RABGAP1: variants seen among roughly 807,000 people sequenced by gnomAD.
The protein encoded by RABGAP1 is RAB GTPase activating protein 1.
In RABGAP1, 23 loss-of-function variants were observed where a neutral mutation model predicts 137.6. The ratio of observed to expected loss-of-function variants is 0.17; its 90% CI spans 0.12 to 0.24. The LOEUF (loss-of-function observed/expected upper bound fraction) is 0.24, where lower values mean the gene tolerates loss of function less well. Ranked by LOEUF, RABGAP1 falls within the 10% of genes least tolerant of loss-of-function variation. The pLI, the probability that RABGAP1 is intolerant of heterozygous loss-of-function variation, is 1.00. For synonymous variants in RABGAP1, 451 were observed against 450.7 expected (o/e 1.00, Z -0.01); for missense variants, 906 against 1,275.8 (o/e 0.71, Z 4.42).
chr9:123,097,478 A>G (rs1286079943), intron 21 of RABGAP1, among the ~76,000 whole-genome samples: 1 of 152,224 alleles, frequency 6.6e-6, no homozygotes, highest in Non-Finnish European at 1.5e-5. Flanking sequence ...CAAGTGGCAC[A>G]TGGTCAGTGA....
intron 13 of RABGAP1, among the ~76,000 whole-genome samples, chr9:123,031,146 A>G (rs2032275408): frequency 6.6e-6 from 1 of 152,110 alleles, no homozygotes; most frequent in Non-Finnish European, 1.5e-5. Context: ...TTATCAGCGT[A>G]ACTGTCTTGT....
At chr9:122,949,401 C>T (rs1455066515) in intron 1 of RABGAP1, among the ~76,000 whole-genome samples, 1 of 152,042 alleles carries the variant, frequency 6.6e-6, no homozygotes, top group East Asian at 1.9e-4. Flanking sequence ...TAATTCCCAG[C>T]TACTTGGGAG....
intron 2 of RABGAP1, among the ~76,000 whole-genome samples, chr9:122,969,384 T>G (rs915999726): frequency 1.3e-5 from 2 of 152,240 alleles, no homozygotes; most frequent in African/African-American, 4.8e-5. Context: ...GATTGTGTTT[T>G]GTAGACAAGG....
At chr9:123,057,348 G>A (rs959725208) in intron 13 of RABGAP1, among the ~76,000 whole-genome samples, 1 of 151,016 alleles carries the variant, frequency 6.6e-6, no homozygotes, top group African/African-American at 2.4e-5. Flanking sequence ...GGGCGGCCGG[G>A]CAGAGACGCT....
intron 1 of RABGAP1, among the ~76,000 whole-genome samples, chr9:122,948,945 G>A (rs1426593829): frequency 2.6e-5 from 4 of 152,152 alleles, no homozygotes; most frequent in Admixed American, 2.0e-4. Context: ...AAATTACTAC[G>A]AGTAAAACAT....
intron 13 of RABGAP1, among the ~76,000 whole-genome samples, chr9:123,057,886 AC>A (rs2033801451): frequency 6.6e-6 from 1 of 152,208 alleles, no homozygotes; most frequent in African/African-American, 2.4e-5. Context: ...CCCCGTCTCC[AC>A]CAAAAAAATA....
chr9:123,069,846 T>A (rs1269302681), intron 14 of RABGAP1, among the ~76,000 whole-genome samples: 2 of 152,144 alleles, frequency 1.3e-5, no homozygotes, highest in African/African-American at 4.8e-5. Context: ...ATTGTACCAC[T>A]GCACTCCAGC....
chr9:123,101,550 T>C lies in RABGAP1; in HGVS notation c.2890-16T>C. ...TTCCTCTTCTTTGCCTCTTCACATC[T>C]AACATTCAATTTCAGCAAAAAGTGG... is the stretch of plus-strand genomic sequence containing the variant. On this transcript the variant is annotated splice_polypyrimidine_tract_variant and intron_variant, in intron 24 of 25. Transcript: ENST00000373647. 6.2e-7 allele frequency: 1 copy of C among 1,611,078 alleles called. No individual in the cohort carries two copies. The highest frequency in any genetic ancestry group is 1.1e-5 in the South Asian group (1 of 90,612).
Position 122,982,838 on chromosome 9 carries a change from C to T in RABGAP1, c.151-1647C>T, listed in dbSNP as rs190115747. Among the ~76,000 whole-genome samples the T allele has an allele frequency of 3.9e-5, 6 of 152,106 alleles. No individual in the cohort carries two copies. In the East Asian group the frequency reaches 7.7e-4, roughly 20 times the overall value. ...ATCACTTGAGCCCAGGAGTTCAAGT[C>T]CACGCTGGGCAACATAGTGATATGA... On this transcript the variant is annotated intron_variant, in intron 2 of 25. Coordinates refer to ENST00000373647, the MANE Select transcript of RABGAP1 (RefSeq NM_012197.4).
intron 3 of RABGAP1, among the ~76,000 whole-genome samples, chr9:122,985,564 G>A (rs1836325231): frequency 7.7e-6 from 1 of 129,552 alleles, no homozygotes; most frequent in Non-Finnish European, 1.6e-5. Flanking sequence ...AGTGAGCCGA[G>A]ATTGTTCCAC....
chr9:122,957,547 G>A (rs1588166644), intron 2 of RABGAP1, among the ~76,000 whole-genome samples: 1 of 151,984 alleles, frequency 6.6e-6, no homozygotes, highest in East Asian at 1.9e-4. Context: ...GGCACTGGCA[G>A]GTCAAAGATG....
intron 11 of RABGAP1, among the ~76,000 whole-genome samples, chr9:123,011,965 C>A (rs1451217908): frequency 1.3e-5 from 2 of 151,830 alleles, no homozygotes; most frequent in African/African-American, 4.8e-5. Context: ...TCAACAACAA[C>A]AACAACAACA....
intron 10 of RABGAP1, among the ~76,000 whole-genome samples, chr9:123,005,085 AG>A (rs2030112275): frequency 6.6e-6 from 1 of 151,132 alleles, no homozygotes; most frequent in Non-Finnish European, 1.5e-5. Flanking sequence ...AAACTAAAAA[AG>A]TCTTGCAGTT....
intron 1 of RABGAP1, among the ~76,000 whole-genome samples, chr9:122,941,476 C>T (rs959328647): frequency 2.6e-5 from 4 of 152,036 alleles, no homozygotes; most frequent in African/African-American, 9.7e-5. Flanking sequence ...TCCAGCCGCT[C>T]CCCCCCGCCT....
intron 11 of RABGAP1, among the ~76,000 whole-genome samples, chr9:123,013,046 C>T (rs1181413059): frequency 6.6e-6 from 1 of 152,144 alleles, no homozygotes; most frequent in Non-Finnish European, 1.5e-5. Context: ...TCCTACCCCA[C>T]CTTAGGCAGA....
upstream of RABGAP1, chr9:122,940,909 A>C (rs1440442108): frequency 6.6e-6 from 1 of 151,416 alleles, no homozygotes; most frequent in Non-Finnish European, 1.5e-5. Context: ...TATTGGGCCA[A>C]TAGGGTCGCT....
chr9:122,988,605 T>C (rs1455616998), intron 4 of RABGAP1, among the ~76,000 whole-genome samples: 1 of 152,028 alleles, frequency 6.6e-6, no homozygotes, highest in East Asian at 1.9e-4. Context: ...AGTTTTTTGT[T>C]TTTTATTTTT....
At chr9:123,011,354 G>C (rs574893457) in intron 11 of RABGAP1, among the ~76,000 whole-genome samples, 42 of 152,288 alleles carry the variant, frequency 2.8e-4, no homozygotes, top group Middle Eastern at 3.4e-3. Flanking sequence ...GTCATCAGTG[G>C]AGTTCCTTGG....
chr9:123,031,986 A>G (rs952394020), intron 13 of RABGAP1, among the ~76,000 whole-genome samples: 4 of 152,222 alleles, frequency 2.6e-5, no homozygotes, highest in African/African-American at 7.2e-5. Context: ...TGCTTTGTAT[A>G]TGCATAGCCT....
Sources: allele counts gnomAD v4.1 joint callset (sites outside exome capture counted in the v4.1 genomes callset), GRCh38; gene constraint gnomAD v4.1.1; transcripts MANE v1.5; gene names NCBI Gene and HGNC (gene_info 2026-07-23, HGNC 2026-07-21).